The following GPA33 variants were observed in gnomAD, a reference collection of about 807,000 sequenced individuals.
The protein encoded by GPA33 is glycoprotein A33.
GPA33 carries 27 observed loss-of-function variants against 35.6 expected under a neutral mutation model. The observed-to-expected ratio is 0.76, with a 90% CI of 0.56 to 1.04. GPA33 has a LOEUF of 1.04. Ranked by LOEUF, GPA33 falls within the 50% of genes least tolerant of loss-of-function variation. The pLI, the probability that GPA33 is intolerant of heterozygous loss-of-function variation, is 0.00. For missense variants in GPA33, 428 were observed against 411.9 expected (o/e 1.04, Z -0.34); for synonymous variants, 176 against 164.0 (o/e 1.07, Z -0.56).
chr1:167,081,382 G>A (rs1666942235), intron 1 of GPA33, among the ~76,000 whole-genome samples: 1 of 152,012 alleles, frequency 6.6e-6, no homozygotes, highest in Non-Finnish European at 1.5e-5. Flanking sequence ...AGAAAGTGCT[G>A]GTCTCTAGGG....
chr1:167,056,800 G>GTATATA (rs1467937321), intron 4 of GPA33, among the ~76,000 whole-genome samples: 2 of 1,196 alleles, frequency 1.7e-3, no homozygotes, highest in African/African-American at 6.8e-3. Context: ...GGTGCGTGTG[G>GTATATA]TGTGGTGTGT....
At chr1:167,084,239 G>C (rs1033994685) in intron 1 of GPA33, among the ~76,000 whole-genome samples, 3 of 152,198 alleles carry the variant, frequency 2.0e-5, no homozygotes, top group Non-Finnish European at 4.4e-5. Flanking sequence ...GGGCAAACAG[G>C]CTCAGGAGAC....
intron 1 of GPA33, among the ~76,000 whole-genome samples, chr1:167,087,202 G>T (rs1471902571): frequency 6.6e-6 from 1 of 152,074 alleles, no homozygotes; most frequent in African/African-American, 2.4e-5. Flanking sequence ...TTCTTGGCAC[G>T]TGTCTGCCAT....
intron 4 of GPA33, among the ~76,000 whole-genome samples, 185 bp downstream of exon 4, chr1:167,063,397 G>A (rs897354167): frequency 2.0e-5 from 3 of 152,192 alleles, no homozygotes; most frequent in Non-Finnish European, 4.4e-5. Flanking sequence ...GCCACCTGGC[G>A]AGACTCTGTC....
chr1:167,071,352 A>G (rs559587195), intron 2 of GPA33, among the ~76,000 whole-genome samples: 1 of 152,368 alleles, frequency 6.6e-6, no homozygotes, highest in South Asian at 2.1e-4. Context: ...TGATTTCTGT[A>G]GAGCATTAGG....
intron 5 of GPA33, 59 bp from the exon 6 acceptor site, chr1:167,055,170 C>G (rs1666213761): frequency 6.3e-7 from 1 of 1,580,048 alleles, no homozygotes; most frequent in African/African-American, 1.3e-5. Flanking sequence ...CGGGTCTCCT[C>G]CCAGCCAGGG....
At chr1:167,087,923 C>T (rs1029842817) in intron 1 of GPA33, among the ~76,000 whole-genome samples, 1 of 151,928 alleles carries the variant, frequency 6.6e-6, no homozygotes, top group African/African-American at 2.4e-5. Context: ...CACACACACA[C>T]ACACACACAA....
chr1:167,082,214 T>C (rs190953653), intron 1 of GPA33: 36 of 454,358 alleles, frequency 7.9e-5, no homozygotes, highest in Admixed American at 2.1e-4. Context: ...TAGAAGAAAA[T>C]ACACCAAAAT....
intron 1 of GPA33, among the ~76,000 whole-genome samples, chr1:167,082,466 T>C (rs1314352553): frequency 6.6e-6 from 1 of 152,202 alleles, no homozygotes; most frequent in African/African-American, 2.4e-5. Context: ...TGAGCAGATT[T>C]CTTTAGCCCC....
At chr1:167,061,759 C>G in intron 4 of GPA33, among the ~76,000 whole-genome samples, 1 of 152,108 alleles carries the variant, frequency 6.6e-6, no homozygotes, top group Middle Eastern at 3.4e-3. Flanking sequence ...TCCGCCACCA[C>G]GTCCGGCTAA....
chr1:167,087,518 G>T (rs1022466452), intron 1 of GPA33, among the ~76,000 whole-genome samples: 7 of 152,292 alleles, frequency 4.6e-5, no homozygotes, highest in East Asian at 3.9e-4. Flanking sequence ...AGCCCCCTTT[G>T]GTCCCCTGGG....
intron 1 of GPA33, among the ~76,000 whole-genome samples, chr1:167,077,471 C>G (rs1666846298): frequency 6.6e-6 from 1 of 152,194 alleles, no homozygotes; most frequent in Non-Finnish European, 1.5e-5. Context: ...TCTTGGGCCT[C>G]TCCATGAACT....
At chr1:167,062,248 C>T (rs1666472217) in intron 4 of GPA33, among the ~76,000 whole-genome samples, 1 of 151,614 alleles carries the variant, frequency 6.6e-6, no homozygotes, top group African/African-American at 2.4e-5. Context: ...CAGGGTCTCG[C>T]TCTGTCACCA....
At chr1:167,072,650 G>A (rs913040890) in intron 2 of GPA33, among the ~76,000 whole-genome samples, 1 of 151,964 alleles carries the variant, frequency 6.6e-6, no homozygotes, top group African/African-American at 2.4e-5. Flanking sequence ...GTCCATTCAT[G>A]GTACATATAG....
At chr1:167,068,387 G>T (rs917669647) in intron 3 of GPA33, among the ~76,000 whole-genome samples, 4 of 152,192 alleles carry the variant, frequency 2.6e-5, no homozygotes, top group Non-Finnish European at 5.9e-5. Context: ...CCAATAATAA[G>T]TCATTCCTAT....
intron 4 of GPA33, among the ~76,000 whole-genome samples, chr1:167,062,025 C>T (rs1666463629): frequency 6.6e-6 from 1 of 152,102 alleles, no homozygotes; most frequent in African/African-American, 2.4e-5. Flanking sequence ...CGGGGCACCT[C>T]ATCTTCTCAG....
chr1:167,062,646 C>CTTTTTTT (rs768326263), intron 4 of GPA33, among the ~76,000 whole-genome samples: 5,496 of 79,618 alleles, frequency 0.069, 518 homozygotes, highest in South Asian at 0.22. Context: ...ATAGCTCTTT[C>CTTTTTTT]TTTTTTTTTT....
At chr1:167,062,540 C>T (rs1017723496) in intron 4 of GPA33, among the ~76,000 whole-genome samples, 4 of 151,722 alleles carry the variant, frequency 2.6e-5, no homozygotes, top group Admixed American at 2.6e-4. Context: ...TTTCTTGATC[C>T]TCAGGAGCAG....
chr1:167,061,586 G>GT (rs397981830), intron 4 of GPA33, among the ~76,000 whole-genome samples: 1,271 of 74,660 alleles, frequency 0.017, 267 homozygotes, highest in African/African-American at 0.046. Context: ...TCTACTAACT[G>GT]TTTTTTTTTT....
Sources: gnomAD v4.1 joint callset for allele counts (sites outside exome capture counted in the v4.1 genomes callset) on GRCh38, gnomAD v4.1.1 for gene constraint, MANE v1.5 for transcripts, NCBI Gene and HGNC (gene_info 2026-07-23, HGNC 2026-07-21) for gene names.